Variants in DCUN1D5 observed in about 807,000 individuals in gnomAD.
The protein encoded by DCUN1D5 is defective in cullin neddylation 1 domain containing 5.
Under a neutral mutation model 38.3 loss-of-function variants are expected in DCUN1D5, and 10 were observed. The ratio of observed to expected loss-of-function variants is 0.26; its 90% CI spans 0.16 to 0.44. DCUN1D5 has a LOEUF of 0.44. DCUN1D5 is among the 20% of genes least tolerant of loss of function. The pLI, the probability that DCUN1D5 is intolerant of heterozygous loss-of-function variation, is 1.00. For synonymous variants in DCUN1D5, 93 were observed against 90.9 expected (o/e 1.02, Z -0.13); for missense variants, 148 against 275.3 (o/e 0.54, Z 3.27).
chr11:103,060,050 T>C lies in DCUN1D5; in HGVS notation c.*2309A>G, dbSNP rs1178757959. Among the ~76,000 whole-genome samples the C allele has an allele frequency of 1.3e-5, 2 of 152,106 alleles. No homozygotes were observed. Among genetic ancestry groups the C allele is most frequent in the Admixed American group, 6.6e-5 (1 of 15,260 alleles). On this transcript the variant is annotated 3_prime_UTR_variant, in exon 8 of 8. Coordinates refer to ENST00000260247, the MANE Select transcript of DCUN1D5 (RefSeq NM_032299.4). ...ACATTTTTGATCATAAATTTCCCAG[T>C]AAATTAAATGCTATTCAAAATTAAC...
Position 103,053,189 on chromosome 11 carries a change from C to G in DCUN1D5, c.*9170G>C, listed in dbSNP as rs1861788522. On this transcript the variant is annotated 3_prime_UTR_variant, in exon 8 of 8. Coordinates refer to ENST00000260247, the MANE Select transcript of DCUN1D5 (RefSeq NM_032299.4). This position sits in a 1 kb window ranked among gnomAD's most constrained non-coding sequence, Gnocchi z 4.8. ...CTTCCTATGAAGTCAAACCAATCCACTTTTAAAGACAGCCATAGTAGCTAT... is the reference window on the plus strand; with the variant it reads ...CTTCCTATGAAGTCAAACCAATCCAGTTTTAAAGACAGCCATAGTAGCTAT... 1 of 152,048 alleles carries G rather than the reference C, an allele frequency of 6.6e-6. No individual in the cohort carries two copies. The highest frequency in any genetic ancestry group is 2.1e-4 in the South Asian group (1 of 4,828). 9.4% of individuals were successfully genotyped at this position (152,048 alleles called of 1,614,324 possible). A position where few individuals can be genotyped will look rare whatever the true frequency, so the allele number is the denominator to read the frequency against.
At position 103,083,252 on chromosome 11, in the gene DCUN1D5, A is replaced by C. The variant is rs761873366; in HGVS notation, c.249+4T>G. On this transcript the variant is annotated splice_donor_region_variant and intron_variant, in intron 3 of 7. Transcript: ENST00000260247. This position sits in a 1 kb window ranked among gnomAD's most constrained non-coding sequence, Gnocchi z 4.4. ...ATGCCATTCTACTTAGAAATAAAAC[A>C]TACATTTTCAGGTTCAACACCAATG... 4 of 1,526,950 alleles carry C rather than the reference A, an allele frequency of 2.6e-6. No homozygotes were observed. Among genetic ancestry groups the C allele is most frequent in the Non-Finnish European group, 2.7e-6 (3 of 1,102,076 alleles). The allele number at this position is 1,526,950 out of a possible 1,614,324, so 94.6% of individuals were successfully genotyped here. A position where few individuals can be genotyped will look rare whatever the true frequency, so the allele number is the denominator to read the frequency against.
At chr11:103,089,418 T>TA (rs1258951920) in intron 1 of DCUN1D5, 100 bp from the exon 2 acceptor site, 1 of 920,290 alleles carries the variant, frequency 1.1e-6, no homozygotes, top group African/African-American at 3.2e-5. Context: ...TAAACAAAGG[T>TA]TTTTTTTTTC....
rs769804047 is a variant in DCUN1D5, at chr11:103,083,256, A to G, written c.249T>C (p.Asn83=). The G allele has an allele frequency of 2.6e-6, 4 of 1,543,980 alleles. No homozygotes were observed. In the East Asian group the frequency reaches 9.0e-5, roughly 35 times the overall value. The change falls in exon 3 of 8, where the codon AAT becomes AAC. Residue 83 remains asparagine, a splice_region_variant and synonymous_variant. Coordinates refer to ENST00000260247, the MANE Select transcript of DCUN1D5 (RefSeq NM_032299.4). This position sits in a 1 kb window ranked among gnomAD's most constrained non-coding sequence, Gnocchi z 4.4. ...CATTCTACTTAGAAATAAAACATACATTTTCAGGTTCAACACCAATGTCTT... is the reference window on the plus strand; with the variant it reads ...CATTCTACTTAGAAATAAAACATACGTTTTCAGGTTCAACACCAATGTCTT... ...FCEDIGVEPE[N]IIMLVLAWKL...
At position 103,056,615 on chromosome 11, in the gene DCUN1D5, T is replaced by C. The variant is rs1243781994; in HGVS notation, c.*5744A>G. On this transcript the variant is annotated 3_prime_UTR_variant, in exon 8 of 8. Coordinates refer to ENST00000260247, the MANE Select transcript of DCUN1D5 (RefSeq NM_032299.4). This position sits in a 1 kb window ranked among gnomAD's most constrained non-coding sequence, Gnocchi z 4.9. ...CTAACCAATTAAAATAAAAATCCCATAAAGGTTCGAAATTACTGTCTTGCT... is the reference window on the plus strand; with the variant it reads ...CTAACCAATTAAAATAAAAATCCCACAAAGGTTCGAAATTACTGTCTTGCT... Among the ~76,000 whole-genome samples, 1 of 152,180 alleles carries C rather than the reference T, an allele frequency of 6.6e-6. No homozygotes were observed. The highest frequency in any genetic ancestry group is 1.5e-5 in the Non-Finnish European group (1 of 68,014).
intron 4 of DCUN1D5, among the ~76,000 whole-genome samples, chr11:103,081,521 G>C (rs1277284479): frequency 6.6e-6 from 1 of 152,058 alleles, no homozygotes; most frequent in African/African-American, 2.4e-5. Context: ...TAAAAATAAT[G>C]GTCCTCTATT....
chr11:103,076,038 A>T (rs1029933575), intron 4 of DCUN1D5, among the ~76,000 whole-genome samples: 4 of 152,228 alleles, frequency 2.6e-5, no homozygotes, highest in Admixed American at 6.5e-5. Context: ...AAGTCTTCAT[A>T]ATGTGAGTCA....
At position 103,087,327 on chromosome 11, in the gene DCUN1D5, C is replaced by T. The variant is rs1372130093; in HGVS notation, c.178+1900G>A. On this transcript the variant is annotated intron_variant, in intron 2 of 7. Coordinates refer to ENST00000260247, the MANE Select transcript of DCUN1D5 (RefSeq NM_032299.4). This position sits in a 1 kb window ranked among gnomAD's most constrained non-coding sequence, Gnocchi z 4.1. ...CTGGGACTACAGGCGCACACCACCA[C>T]GCCCGGCTAATTGTTTGTGTTTTTG... 2.0e-5 allele frequency among the ~76,000 whole-genome samples: 3 copies of T among 151,976 alleles called. No individual in the cohort carries two copies. Among genetic ancestry groups the T allele is most frequent in the East Asian group, 3.9e-4 (2 of 5,182 alleles).
At position 103,091,940 on chromosome 11, in the gene DCUN1D5, T is replaced by C; in HGVS notation, c.-68A>G. 2.1e-6 allele frequency: 3 copies of C among 1,446,238 alleles called. No individual in the cohort carries two copies. Among genetic ancestry groups the C allele is most frequent in the Non-Finnish European group, 2.8e-6 (3 of 1,061,186 alleles). 89.6% of individuals were successfully genotyped at this position (1,446,238 alleles called of 1,614,324 possible). On this transcript the variant is annotated 5_prime_UTR_variant, in exon 1 of 8. Coordinates refer to ENST00000260247, the MANE Select transcript of DCUN1D5 (RefSeq NM_032299.4). The surrounding 1 kb of genome is among the most constrained non-coding windows in gnomAD (Gnocchi z 4.3). ...GGGGTCCCTGTCCGCTGGAAGCCCC[T>C]CAGCGCTGGCACCCAGTTCCCAGAG...
At chr11:103,084,934 C>T (rs1234300890) in intron 2 of DCUN1D5, among the ~76,000 whole-genome samples, 5 of 152,024 alleles carry the variant, frequency 3.3e-5, no homozygotes, top group African/African-American at 1.2e-4. Context: ...CTGCAATGAG[C>T]CATGATCACG....
At chr11:103,082,553 G>C (rs959546317) in intron 4 of DCUN1D5, among the ~76,000 whole-genome samples, 195 bp downstream of exon 4, 3 of 151,908 alleles carry the variant, frequency 2.0e-5, no homozygotes, top group Non-Finnish European at 4.4e-5. Flanking sequence ...TTCTTTCTTA[G>C]AGAATATAAA....
In DCUN1D5 at chr11:103,078,046, TCTCG is replaced by T. The variant is rs1174129804; in HGVS notation, c.341+4698_341+4701del. On this transcript the variant is annotated intron_variant, in intron 4 of 7. Transcript: ENST00000260247. The surrounding 1 kb of genome is among the most constrained non-coding windows in gnomAD (Gnocchi z 4.6). ...ATCATATAAATGTTCCCTATTCCCC[TCTCG>T]CTAAGACGGTCAAGCCATGCCATTC... Among the ~76,000 whole-genome samples, 4 of 152,028 alleles carry T rather than the reference TCTCG, an allele frequency of 2.6e-5. No individual in the cohort carries two copies. The highest frequency in any genetic ancestry group is 6.6e-5 in the Admixed American group (1 of 15,256).
intron 4 of DCUN1D5, among the ~76,000 whole-genome samples, chr11:103,069,768 A>G (rs1001236556): frequency 6.6e-6 from 1 of 152,236 alleles, no homozygotes; most frequent in African/African-American, 2.4e-5. Flanking sequence ...ATGAATGCAG[A>G]GTAGAAAATT....
chr11:103,059,749 T>TG lies in DCUN1D5; in HGVS notation c.*2609dup, dbSNP rs1212002200. Reference sequence around the variant, plus strand: ...ATTAAGAATTATTGGCCCCGAGGAGTGGGGGGGTGGGGGGGTTGCAATCTG... The same window carrying TG: ...ATTAAGAATTATTGGCCCCGAGGAGTGGGGGGGGTGGGGGGGTTGCAATCTG... On this transcript the variant is annotated 3_prime_UTR_variant, in exon 8 of 8. Transcript: ENST00000260247. Among the ~76,000 whole-genome samples, 5 of 4,132 alleles carry TG rather than the reference T, an allele frequency of 1.2e-3. No homozygotes were observed. Among genetic ancestry groups the TG allele is most frequent in the Middle Eastern group, 0.05 (1 of 20 alleles). The allele number at this position is 4,132 out of a possible 152,430, so 2.7% of individuals were successfully genotyped here.
chr11:103,065,154 C>A lies in DCUN1D5; in HGVS notation c.556-777G>T, dbSNP rs1383936926. Among the ~76,000 whole-genome samples, 1 of 144,854 alleles carries A rather than the reference C, an allele frequency of 6.9e-6. No individual in the cohort carries two copies. The highest frequency in any genetic ancestry group is 1.5e-5 in the Non-Finnish European group (1 of 65,622). ...GTAAGACCTTTTCATATCATTGTCT[C>A]TTTTTTTTTTTTTCTGAGACAGAGT... is the stretch of plus-strand genomic sequence containing the variant. On this transcript the variant is annotated intron_variant, in intron 6 of 7. Transcript: ENST00000260247. This position sits in a 1 kb window ranked among gnomAD's most constrained non-coding sequence, Gnocchi z 4.6.
Position 103,065,529 on chromosome 11 carries a change from G to A in DCUN1D5, c.555+740C>T, listed in dbSNP as rs1156602994. The stretch of plus-strand genomic sequence containing the variant: ...AGCAGCTATAAGCAATGTGCTTTAT[G>A]AGAAATTATTTCCAAAGGAAAAAGC... On this transcript the variant is annotated intron_variant, in intron 6 of 7. Coordinates refer to ENST00000260247, the MANE Select transcript of DCUN1D5 (RefSeq NM_032299.4). The surrounding 1 kb of genome is among the most constrained non-coding windows in gnomAD (Gnocchi z 4.6). 6.6e-6 allele frequency among the ~76,000 whole-genome samples: 1 copy of A among 151,866 alleles called. No individual in the cohort carries two copies. The highest frequency in any genetic ancestry group is 2.4e-5 in the African/African-American group (1 of 41,316).
rs1030665540 is a variant in DCUN1D5, at chr11:103,066,991, CATT to C, written c.342-427_342-425del. On this transcript the variant is annotated intron_variant, in intron 4 of 7. Coordinates refer to ENST00000260247, the MANE Select transcript of DCUN1D5 (RefSeq NM_032299.4). The surrounding 1 kb of genome is among the most constrained non-coding windows in gnomAD (Gnocchi z 4.7). ...TCGTAGGTAACAGTTTGGTGAAAGACATTAGTCATGAGTAGTTTTAAAAGTTTA... is the reference window on the plus strand; with the variant it reads ...TCGTAGGTAACAGTTTGGTGAAAGACAGTCATGAGTAGTTTTAAAAGTTTA... Among the ~76,000 whole-genome samples, 3 of 152,136 alleles carry C rather than the reference CATT, an allele frequency of 2.0e-5. No homozygotes were observed. Among genetic ancestry groups the C allele is most frequent in the African/African-American group, 7.2e-5 (3 of 41,420 alleles).
intron 1 of DCUN1D5, among the ~76,000 whole-genome samples, chr11:103,090,703 G>A (rs912213783): frequency 6.6e-6 from 1 of 152,278 alleles, no homozygotes; most frequent in East Asian, 1.9e-4. Context: ...GCGAGGTCAG[G>A]AGTTCAAGAC....
rs1014647792 is a variant in DCUN1D5, at chr11:103,083,045, G to A, written c.250-206C>T. The stretch of plus-strand genomic sequence containing the variant: ...AAAGTTCTAACAGTTTCTGAAGGTA[G>A]AATCTCTTATTCTATTACATATAAC... On this transcript the variant is annotated intron_variant, in intron 3 of 7. Coordinates refer to ENST00000260247, the MANE Select transcript of DCUN1D5 (RefSeq NM_032299.4). This position sits in a 1 kb window ranked among gnomAD's most constrained non-coding sequence, Gnocchi z 4.4. Among the ~76,000 whole-genome samples, 3 of 152,002 alleles carry A rather than the reference G, an allele frequency of 2.0e-5. No individual in the cohort carries two copies. Among genetic ancestry groups the A allele is most frequent in the African/African-American group, 4.8e-5 (2 of 41,444 alleles).
Sources: allele counts gnomAD v4.1 joint callset (sites outside exome capture counted in the v4.1 genomes callset), GRCh38; gene constraint gnomAD v4.1.1; non-coding constraint Gnocchi (gnomAD v3.1); transcripts MANE v1.5; gene names NCBI Gene and HGNC (gene_info 2026-07-23, HGNC 2026-07-21).